SEZ6: variants seen among roughly 807,000 people sequenced by gnomAD.
SEZ6 encodes the protein seizure related 6 homolog.
Under a neutral mutation model 101.0 loss-of-function variants are expected in SEZ6, and 53 were observed. The ratio of observed to expected loss-of-function variants is 0.52; its 90% CI spans 0.42 to 0.66. SEZ6 has a LOEUF of 0.66. Ranked by LOEUF, SEZ6 falls within the 30% of genes least tolerant of loss-of-function variation. The pLI is 0.00. For synonymous variants in SEZ6, 488 were observed against 512.2 expected, an observed-to-expected ratio of 0.95 and a Z score of 0.64; for missense variants, 1,102 against 1,289.4, an observed-to-expected ratio of 0.85 and a Z score of 2.23.
At position 28,960,009 on chromosome 17, in the gene SEZ6, T is replaced by C. The variant is rs967108434; in HGVS notation, c.1577-117A>G. On this transcript the variant is annotated intron_variant, in intron 7 of 16. Transcript: ENST00000317338. The stretch of plus-strand genomic sequence containing the variant: ...TTTTCCTGGGTACGAATGACAAATA[T>C]ATGTCCTGGGGTTGGAGCAGGAATG... The C allele has an allele frequency of 2.6e-6, 3 of 1,135,430 alleles. 1 individual carries two copies. Among genetic ancestry groups the C allele is most frequent in the South Asian group, 3.0e-5 (2 of 65,652 alleles). The allele number at this position is 1,135,430 out of a possible 1,614,324, so 70.3% of individuals were successfully genotyped here. A position where few individuals can be genotyped will look rare whatever the true frequency, so the allele number is the denominator to read the frequency against.
At chr17:28,990,622 C>T (rs1193877601) in intron 1 of SEZ6, among the ~76,000 whole-genome samples, 8 of 151,984 alleles carry the variant, frequency 5.3e-5, no homozygotes, top group Non-Finnish European at 7.3e-5. Context: ...TCATGACTCC[C>T]GGGTCCTGCG....
chr17:28,964,121 G>A lies in SEZ6; in HGVS notation c.1081C>T (p.Arg361Cys), dbSNP rs766505618. The change falls in exon 5 of 17, where the codon CGT (arginine) becomes TGT (cysteine). Residue 361 changes from arginine (R) to cysteine (C), a missense_variant. This residue lies in a region of SEZ6 where 556 missense variants were observed against 735.1 expected (regional missense o/e 0.76). Coordinates refer to ENST00000317338, the MANE Select transcript of SEZ6 (RefSeq NM_178860.5). ...QAYLLSCHFP[R>C]RPAYGDVTVT... is the part of the protein sequence containing the mutation. The stretch of plus-strand genomic sequence containing the variant: ...GTCACATCTCCATAAGCTGGACGAC[G>A]GGGAAAGTGGCAGCTCAGGAGATAG... 6.3e-6 allele frequency: 10 copies of A among 1,597,290 alleles called. No homozygotes were observed. Among genetic ancestry groups the A allele is most frequent in the Middle Eastern group, 1.7e-4 (1 of 6,046 alleles).
intron 5 of SEZ6, among the ~76,000 whole-genome samples, chr17:28,961,662 G>C (rs1403727781): frequency 3.3e-5 from 5 of 152,208 alleles, no homozygotes; most frequent in Admixed American, 3.3e-4. Flanking sequence ...TTTCTAAGGA[G>C]AGACTGAACA....
intron 4 of SEZ6, 69 bp from the exon 5 acceptor site, chr17:28,964,216 G>A: frequency 6.7e-7 from 1 of 1,484,354 alleles, no homozygotes; most frequent in Admixed American, 2.0e-5. Flanking sequence ...CCATTGGTTG[G>A]GGGAGGTCTG....
Position 28,958,064 on chromosome 17 carries a change from C to T in SEZ6, c.2185G>A (p.Val729Met). The T allele has an allele frequency of 6.2e-7, 1 of 1,613,030 alleles. No homozygotes were observed. Among genetic ancestry groups the T allele is most frequent in the Non-Finnish European group, 8.5e-7 (1 of 1,179,108 alleles). The change falls in exon 11 of 17, where the codon GTG (valine) becomes ATG (methionine). Residue 729 changes from valine to methionine, a missense_variant. This residue lies in a region of SEZ6 where 556 missense variants were observed against 735.1 expected (regional missense o/e 0.76). Coordinates refer to ENST00000317338, the MANE Select transcript of SEZ6 (RefSeq NM_178860.5). ...TGGTAAGTGACCACGGTGCCGTGCA[C>T]TAGCTCAGGCTGCGATGGGCTCTTC... The part of the protein sequence containing the change: ...GWKSPSQPEL[V>M]HGTVVTYQCY...
chr17:28,964,257 C>A lies in SEZ6; in HGVS notation c.1055-110G>T, dbSNP rs2041029542. On this transcript the variant is annotated intron_variant, in intron 4 of 16. Coordinates refer to ENST00000317338, the MANE Select transcript of SEZ6 (RefSeq NM_178860.5). ...GTCTGCCTGGAGGTGTCATTTGGGG[C>A]CAGAGGAAGCACTAGGAGTTCCAAA... 3.5e-6 allele frequency: 4 copies of A among 1,148,826 alleles called. No homozygotes were observed. In the South Asian group the frequency reaches 6.0e-5, roughly 17 times the overall value. The allele number at this position is 1,148,826 out of a possible 1,614,324, so 71.2% of individuals were successfully genotyped here. A position where few individuals can be genotyped will look rare whatever the true frequency, so the allele number is the denominator to read the frequency against.
chr17:28,990,670 T>G (rs1461274661), intron 1 of SEZ6, among the ~76,000 whole-genome samples: 3 of 151,874 alleles, frequency 2.0e-5, no homozygotes, highest in Non-Finnish European at 4.4e-5. Flanking sequence ...AGGAGGACCA[T>G]TTTCCAGACC....
intron 3 of SEZ6, among the ~76,000 whole-genome samples, chr17:28,971,711 A>G (rs972921825): frequency 2.0e-5 from 3 of 152,186 alleles, no homozygotes; most frequent in South Asian, 2.1e-4. Flanking sequence ...GGTTCCTACC[A>G]TGTTGCTCTG....
intron 1 of SEZ6, among the ~76,000 whole-genome samples, chr17:29,004,938 G>T (rs1294515466): frequency 6.6e-6 from 1 of 152,158 alleles, no homozygotes; most frequent in Non-Finnish European, 1.5e-5. Context: ...CGAAGTTGGG[G>T]ACCAGACTCC....
chr17:29,003,301 G>T (rs1017431697), intron 1 of SEZ6, among the ~76,000 whole-genome samples: 1 of 152,176 alleles, frequency 6.6e-6, no homozygotes, highest in African/African-American at 2.4e-5. Flanking sequence ...GGCCCAAGAC[G>T]CCCCTGATGC....
In SEZ6 at chr17:29,000,974, G is replaced by T. The variant is rs996317158; in HGVS notation, c.55+4841C>A. Among the ~76,000 whole-genome samples the T allele has an allele frequency of 7.2e-5, 11 of 152,144 alleles. 1 individual carries two copies. Among genetic ancestry groups the T allele is most frequent in the Admixed American group, 6.5e-4 (10 of 15,270 alleles). ...ACACAAGCAGTGGTGGCACTAAGGG[G>T]TGACTGGGGAGAGGCTTTAGCCCAT... On this transcript the variant is annotated intron_variant, in intron 1 of 16. Coordinates refer to ENST00000317338, the MANE Select transcript of SEZ6 (RefSeq NM_178860.5).
chr17:28,959,688 G>A lies in SEZ6; in HGVS notation c.1771+10C>T, dbSNP rs1388107393. The A allele has an allele frequency of 6.3e-7, 1 of 1,575,598 alleles. No individual in the cohort carries two copies. Among genetic ancestry groups the A allele is most frequent in the Non-Finnish European group, 8.6e-7 (1 of 1,159,834 alleles). On this transcript the variant is annotated intron_variant, in intron 8 of 16. Coordinates refer to ENST00000317338, the MANE Select transcript of SEZ6 (RefSeq NM_178860.5). The surrounding 1 kb of genome is among the most constrained non-coding windows in gnomAD (Gnocchi z 4.4). ...TTGCCCGGTAGGCCCATCCACTGGT[G>A]TCTACTGACCTCGGCAGGCTGGCTC...
chr17:28,962,398 T>TC (rs1219728046), intron 5 of SEZ6, among the ~76,000 whole-genome samples: 1 of 152,186 alleles, frequency 6.6e-6, no homozygotes, highest in Non-Finnish European at 1.5e-5. Flanking sequence ...CTTGCCAGCC[T>TC]CCCCGCTAGA....
At chr17:28,991,501 C>T (rs557902351) in intron 1 of SEZ6, among the ~76,000 whole-genome samples, 23 of 152,292 alleles carry the variant, frequency 1.5e-4, no homozygotes, top group Non-Finnish European at 1.8e-4. Flanking sequence ...TCACAGCGCC[C>T]GGCCAGTTTA....
rs1347392338 is a variant in SEZ6 at position 28,981,648 on chromosome 17, A to T, written c.447T>A (p.Leu149=). The change falls in exon 2 of 17, where the codon CTT becomes CTA. Residue 149 remains leucine, a synonymous_variant. Transcript: ENST00000317338. ...CTGGAGGTAGGGGAGCTGTGATTCG[A>T]AGCATAGGGGACTCTGACTCCGGAC... is the stretch of plus-strand genomic sequence containing the variant. ...PWSPESESPM[L]RITAPLPPGP... The T allele has an allele frequency of 2.5e-6, 4 of 1,579,690 alleles. No homozygotes were observed. The highest frequency in any genetic ancestry group is 3.5e-6 in the Non-Finnish European group (4 of 1,158,934).
intron 1 of SEZ6, among the ~76,000 whole-genome samples, chr17:28,987,473 C>A (rs917751529): frequency 7.2e-5 from 11 of 152,194 alleles, no homozygotes; most frequent in African/African-American, 2.7e-4. Flanking sequence ...GAAATAATTA[C>A]CCCGACAGTG....
chr17:28,973,729 C>G (rs1189368215), intron 3 of SEZ6, among the ~76,000 whole-genome samples: 1 of 152,140 alleles, frequency 6.6e-6, no homozygotes, highest in Non-Finnish European at 1.5e-5. Context: ...GGCTGGGTGT[C>G]GGACAGGAGG....
In SEZ6 at chr17:28,959,441, A is replaced by C; in HGVS notation, c.1803T>G (p.Ala601=). The change falls in exon 9 of 17, where the codon GCT becomes GCG. Residue 601 remains alanine (A), a synonymous_variant. Coordinates refer to ENST00000317338, the MANE Select transcript of SEZ6 (RefSeq NM_178860.5). This position sits in a 1 kb window ranked among gnomAD's most constrained non-coding sequence, Gnocchi z 4.4. ...GCCAGTTGGGAGAGAGTACCACGCCAGCCGAGTCTGTGATCTCCCCGCTGC... is the reference window on the plus strand; with the variant it reads ...GCCAGTTGGGAGAGAGTACCACGCCCGCCGAGTCTGTGATCTCCCCGCTGC... The part of the protein sequence containing the change: ...AVCSGEITDS[A]GVVLSPNWPE... 2 of 1,613,734 alleles carry C rather than the reference A, an allele frequency of 1.2e-6. No homozygotes were observed. Among genetic ancestry groups the C allele is most frequent in the Non-Finnish European group, 1.7e-6 (2 of 1,179,866 alleles).
intron 1 of SEZ6, among the ~76,000 whole-genome samples, chr17:28,993,314 C>T (rs920565163): frequency 7.2e-5 from 11 of 151,946 alleles, no homozygotes; most frequent in African/African-American, 2.2e-4. Flanking sequence ...CCTTCTCCTA[C>T]CTGCTATGTT....
Sources: gnomAD v4.1 joint callset for allele counts (sites outside exome capture counted in the v4.1 genomes callset) on GRCh38, gnomAD v4.1.1 for gene constraint, gnomAD v4.1.1 regional missense constraint, Gnocchi (gnomAD v3.1) non-coding constraint, MANE v1.5 for transcripts, NCBI Gene and HGNC (gene_info 2026-07-23, HGNC 2026-07-21) for gene names.